Variants in IGSF9B observed in about 807,000 individuals in gnomAD.
The protein encoded by IGSF9B is immunoglobulin superfamily member 9B.
A neutral mutation model predicts 143.7 loss-of-function variants in IGSF9B; 48 were observed. That is an observed-to-expected ratio of 0.33 (90% CI 0.26 to 0.42). IGSF9B has a LOEUF of 0.42. IGSF9B is among the 20% of genes least tolerant of loss of function. The pLI, the probability that IGSF9B is intolerant of heterozygous loss-of-function variation, is 1.00. For missense variants in IGSF9B, 1,706 were observed against 1,980.0 expected, an observed-to-expected ratio of 0.86 and a Z score of 2.63; for synonymous variants, 903 against 833.1, an observed-to-expected ratio of 1.08 and a Z score of -1.44.
chr11:133,919,877 G>C lies in IGSF9B; in HGVS notation c.3848C>G (p.Pro1283Arg). 6.3e-7 allele frequency: 1 copy of C among 1,584,774 alleles called. No homozygotes were observed. The highest frequency in any genetic ancestry group is 8.6e-7 in the Non-Finnish European group (1 of 1,164,366). The change falls in exon 18 of 20, where the codon CCT (proline) becomes CGT (arginine). Residue 1283 changes from proline (P) to arginine (R), a missense_variant. Pro to Arg is a moderately radical substitution (Grantham distance 103, BLOSUM62 -2). This residue lies in a region of IGSF9B where 880 missense variants were observed against 762.9 expected (regional missense o/e 1.15). Transcript: ENST00000533871. ...MGFTTLATGY[P>R]SPPPGPAPAG... ...AGGGGCGGGGCCGGGTGGAGGGGAA[G>C]GGTAGCCGGTGGCCAGAGTGGTGAA...
chr11:133,944,107 AG>A, intron 3 of IGSF9B, 112 bp downstream of exon 3: 3 of 1,147,400 alleles, frequency 2.6e-6, no homozygotes, highest in Non-Finnish European at 3.6e-6. Context: ...GGAGGGGGGC[AG>A]GGGGTGAGAT....
rs1226251787 is a variant in IGSF9B at position 133,931,546 on chromosome 11, T to C, written c.1275A>G (p.Leu425=). 1.2e-6 allele frequency: 2 copies of C among 1,613,182 alleles called. No individual in the cohort carries two copies. Among genetic ancestry groups the C allele is most frequent in the African/African-American group, 1.3e-5 (1 of 74,934 alleles). The stretch of plus-strand genomic sequence containing the variant: ...CCTCCTGCCTGTACTCCCAGCCTGG[T>C]AGCACCGTGAAATAGGGGGGGTCCT... ...VLKDPPYFTV[L]PGWEYRQEAG... Residue 425 remains leucine (L), a synonymous_variant, in exon 10 of 20, where the codon CTA becomes CTG. Coordinates refer to ENST00000533871, the MANE Select transcript of IGSF9B (RefSeq NM_001277285.4). The surrounding 1 kb of genome is among the most constrained non-coding windows in gnomAD (Gnocchi z 7.7).
Position 133,956,954 on chromosome 11 carries a change from A to C in IGSF9B, c.-200T>G. 2 of 372,998 alleles carry C rather than the reference A, an allele frequency of 5.4e-6. No individual in the cohort carries two copies. Among genetic ancestry groups the C allele is most frequent in the Non-Finnish European group, 9.6e-6 (2 of 208,628 alleles). The allele number at this position is 372,998 out of a possible 1,614,324, so 23.1% of individuals were successfully genotyped here. A position where few individuals can be genotyped will look rare whatever the true frequency, so the allele number is the denominator to read the frequency against. On this transcript the variant is annotated 5_prime_UTR_variant, in exon 1 of 20. Transcript: ENST00000533871. ...GCGCGCGCCTCCCCGGCCCCGGCGC[A>C]GCGGCACCTGCACTACTCGCCCGGG...
At chr11:133,922,283 C>T in intron 16 of IGSF9B, 61 bp from the exon 17 acceptor site, 1 of 1,453,150 alleles carries the variant, frequency 6.9e-7, no homozygotes, top group Non-Finnish European at 9.6e-7. Context: ...GCAGCACGCG[C>T]ATCTGCAGAG....
intron 1 of IGSF9B, among the ~76,000 whole-genome samples, chr11:133,947,077 G>A (rs1940066235): frequency 6.6e-6 from 1 of 152,196 alleles, no homozygotes; most frequent in Admixed American, 6.5e-5. Context: ...CAGACGGTGG[G>A]ATAGGGAACA....
At position 133,907,689 on chromosome 11, in the gene IGSF9B, G is replaced by A. The variant is rs1939229781; in HGVS notation, c.*1380C>T. Among the ~76,000 whole-genome samples the A allele has an allele frequency of 6.6e-6, 1 of 152,214 alleles. No homozygotes were observed. The highest frequency in any genetic ancestry group is 1.5e-5 in the Non-Finnish European group (1 of 68,034). On this transcript the variant is annotated 3_prime_UTR_variant, in exon 20 of 20. Coordinates refer to ENST00000533871, the MANE Select transcript of IGSF9B (RefSeq NM_001277285.4). The stretch of plus-strand genomic sequence containing the variant: ...TTTGAACCAGGACCAGACTTTGGCA[G>A]AGGAAGAGTCAGTGCCCAGACCCTA...
Position 133,921,040 on chromosome 11 carries a change from C to T in IGSF9B, c.2685G>A (p.Glu895=). ...MYPEFRQSDE[E]NEDPLVPTSV... ...ATGTGGGCACCAGTGGGTCCTCGTT[C>T]TCCTCGTCCGACTGGCGGAACTCGG... The change falls in exon 18 of 20, where the codon GAG becomes GAA. Residue 895 remains glutamate (E), a synonymous_variant. Transcript: ENST00000533871. The T allele has an allele frequency of 6.2e-7, 1 of 1,613,762 alleles. No individual in the cohort carries two copies.
chr11:133,954,155 T>C (rs1940210595), intron 1 of IGSF9B, among the ~76,000 whole-genome samples: 1 of 152,166 alleles, frequency 6.6e-6, no homozygotes, highest in East Asian at 1.9e-4. Context: ...CTCAGCAGCA[T>C]GTGGACACTG....
intron 1 of IGSF9B, among the ~76,000 whole-genome samples, chr11:133,950,263 G>A (rs1054673025): frequency 1.3e-5 from 2 of 152,232 alleles, no homozygotes; most frequent in African/African-American, 4.8e-5. Context: ...GAATACGGAG[G>A]AAGGTGTGCA....
At position 133,953,709 on chromosome 11, in the gene IGSF9B, C is replaced by A. The variant is rs567109853; in HGVS notation, c.64+2982G>T. On this transcript the variant is annotated intron_variant, in intron 1 of 19. Transcript: ENST00000533871. This position sits in a 1 kb window ranked among gnomAD's most constrained non-coding sequence, Gnocchi z 4.2. Reference sequence around the variant, plus strand: ...GAGGAGGCAGCCGTGGGAGTAAAGTCTGGGACTTTCCTCCCCTATCCAAGG... The same window carrying A: ...GAGGAGGCAGCCGTGGGAGTAAAGTATGGGACTTTCCTCCCCTATCCAAGG... Among the ~76,000 whole-genome samples, 4 of 152,292 alleles carry A rather than the reference C, an allele frequency of 2.6e-5. No individual in the cohort carries two copies. The East Asian group carries it at 7.7e-4, about 29-fold the overall frequency.
rs1340447900 is a variant in IGSF9B at position 133,920,956 on chromosome 11, C to T, written c.2769G>A (p.Leu923=). The change falls in exon 18 of 20, where the codon CTG becomes CTA. Residue 923 remains leucine, a synonymous_variant. Transcript: ENST00000533871. Reference sequence around the variant, plus strand: ...ACCGAGGGCTGTATGCTGGTGGTGGCAGGTAGGACTCCTGGCTGGATGACA... The same window carrying T: ...ACCGAGGGCTGTATGCTGGTGGTGGTAGGTAGGACTCCTGGCTGGATGACA... ...TPLSSSQESY[L]PPPAYSPRFQ... is the part of the protein sequence containing the mutation. 17 of 1,610,506 alleles carry T rather than the reference C, an allele frequency of 1.1e-5. No individual in the cohort carries two copies. Among genetic ancestry groups the T allele is most frequent in the Non-Finnish European group, 1.4e-5 (16 of 1,178,492 alleles).
At chr11:133,918,086 G>C (rs922163923) in intron 18 of IGSF9B, among the ~76,000 whole-genome samples, 2 of 151,878 alleles carry the variant, frequency 1.3e-5, no homozygotes, top group Non-Finnish European at 1.5e-5. Context: ...GCGGTGCCGA[G>C]CGTGGCTCGA....
rs1372346939 is a variant in IGSF9B at position 133,903,128 on chromosome 11, C to T, written c.*5941G>A. ...TGGGGAAAGGAAAAGGGAAGGGAAGCTAACTGGTGTGTATACGGGGTGGCG... is the reference window on the plus strand; with the variant it reads ...TGGGGAAAGGAAAAGGGAAGGGAAGTTAACTGGTGTGTATACGGGGTGGCG... On this transcript the variant is annotated 3_prime_UTR_variant, in exon 20 of 20. Transcript: ENST00000533871. 6.6e-6 allele frequency among the ~76,000 whole-genome samples: 1 copy of T among 152,056 alleles called. No homozygotes were observed. Among genetic ancestry groups the T allele is most frequent in the Non-Finnish European group, 1.5e-5 (1 of 68,028 alleles).
intron 1 of IGSF9B, among the ~76,000 whole-genome samples, chr11:133,950,034 T>A (rs999096422): frequency 4.6e-5 from 7 of 150,886 alleles, no homozygotes; most frequent in Non-Finnish European, 1.0e-4. Flanking sequence ...CCCCCAGAGG[T>A]CTGGCTGACC....
chr11:133,925,836 C>T lies in IGSF9B; in HGVS notation c.1937G>A (p.Arg646His), dbSNP rs958668813. Residue 646 changes from arginine to histidine, a missense_variant, in exon 14 of 20, where the codon CGC becomes CAC. Transcript: ENST00000533871. ...PPANHSFPID[R>H]YIMEFRVAER... is the part of the protein sequence containing the mutation. Reference sequence around the variant, plus strand: ...TGCGACACGGAACTCCATGATGTAGCGGTCGATGGGAAAGCTGTGGTTGGC... The same window carrying T: ...TGCGACACGGAACTCCATGATGTAGTGGTCGATGGGAAAGCTGTGGTTGGC... 2.1e-5 allele frequency: 34 copies of T among 1,613,754 alleles called. No individual in the cohort carries two copies. Among genetic ancestry groups the T allele is most frequent in the African/African-American group, 5.3e-5 (4 of 74,932 alleles).
intron 11 of IGSF9B, among the ~76,000 whole-genome samples, chr11:133,930,179 C>G (rs1939696892): frequency 6.6e-6 from 1 of 152,182 alleles, no homozygotes; most frequent in South Asian, 2.1e-4. Flanking sequence ...GAAGACAACT[C>G]CGTCCCACCC....
rs2064813189 is a variant in IGSF9B at position 133,900,127 on chromosome 11, C to G, written c.*8942G>C. The G allele has an allele frequency of 1.3e-5, 2 of 152,642 alleles. No individual in the cohort carries two copies. 9.5% of individuals were successfully genotyped at this position (152,642 alleles called of 1,614,324 possible). ...CCCAACCTACTCTTCCCATAATACC[C>G]CAAAACTGTCAACCAAGCCCTTCTC... is the stretch of plus-strand genomic sequence containing the variant. On this transcript the variant is annotated 3_prime_UTR_variant, in exon 20 of 20. Transcript: ENST00000533871.
In IGSF9B at chr11:133,953,859, T is replaced by C. The variant is rs1264443415; in HGVS notation, c.64+2832A>G. Among the ~76,000 whole-genome samples the C allele has an allele frequency of 6.6e-6, 1 of 152,074 alleles. No homozygotes were observed. The highest frequency in any genetic ancestry group is 2.4e-5 in the African/African-American group (1 of 41,410). On this transcript the variant is annotated intron_variant, in intron 1 of 19. Transcript: ENST00000533871. This position sits in a 1 kb window ranked among gnomAD's most constrained non-coding sequence, Gnocchi z 4.2. ...CTGTCTTCCAGGTTCTGGGTACCAC[T>C]CCAGCCCCTCTCTTCTCCACACTTC... is the stretch of plus-strand genomic sequence containing the variant.
chr11:133,922,596 G>A lies in IGSF9B; in HGVS notation c.2254C>T (p.Arg752Cys), dbSNP rs1480497743. ...TTTTTGCGCTTGAGCTTACGCTTGCGCTGCTTGTTGACAAAGCAGGCAGCC... is the reference window on the plus strand; with the variant it reads ...TTTTTGCGCTTGAGCTTACGCTTGCACTGCTTGTTGACAAAGCAGGCAGCC... The part of the protein sequence containing the change: ...TLAACFVNKQ[R>C]KRKLKRKKDP... Residue 752 changes from arginine to cysteine, a missense_variant, in exon 16 of 20, where the codon CGC becomes TGC. Around this residue, in one of 7 missense-constraint regions of IGSF9B, gnomAD observed 135 missense variants for 181.3 expected, o/e 0.74. Coordinates refer to ENST00000533871, the MANE Select transcript of IGSF9B (RefSeq NM_001277285.4). 1.9e-6 allele frequency: 3 copies of A among 1,611,408 alleles called. No individual in the cohort carries two copies. Among genetic ancestry groups the A allele is most frequent in the Admixed American group, 1.7e-5 (1 of 59,714 alleles).
Sources: allele counts gnomAD v4.1 joint callset (sites outside exome capture counted in the v4.1 genomes callset), GRCh38; gene constraint gnomAD v4.1.1; regional missense constraint gnomAD v4.1.1; non-coding constraint Gnocchi (gnomAD v3.1); transcripts MANE v1.5; gene names NCBI Gene and HGNC (gene_info 2026-07-23, HGNC 2026-07-21).